USP34: variants seen among roughly 807,000 people sequenced by gnomAD.
USP34 encodes the protein ubiquitin carboxyl-terminal hydrolase 34.
In USP34, 70 loss-of-function variants were observed where a neutral mutation model predicts 460.3. The ratio of observed to expected loss-of-function variants is 0.15; its 90% CI spans 0.13 to 0.19. The LOEUF is 0.19. USP34 is among the 10% of genes least tolerant of loss of function. USP34 has a pLI of 1.00. For synonymous variants in USP34, 1,647 were observed against 1,405.3 expected (o/e 1.17, Z -3.85); for missense variants, 3,985 against 4,236.2 (o/e 0.94, Z 1.65).
chr2:61,390,538 G>A (rs551914475), intron 5 of USP34, among the ~76,000 whole-genome samples: 57 of 152,222 alleles, frequency 3.7e-4, no homozygotes, highest in Middle Eastern at 3.4e-3. Context: ...ATTAAAGAAC[G>A]GATCCATATA....
intron 57 of USP34, among the ~76,000 whole-genome samples, chr2:61,235,027 T>A (rs1328889578): frequency 2.0e-5 from 3 of 152,202 alleles, no homozygotes; most frequent in Admixed American, 6.5e-5. Context: ...CAAAACTGAT[T>A]TAAAAAAAGA....
chr2:61,305,386 T>C (rs568042771), intron 27 of USP34, among the ~76,000 whole-genome samples: 4 of 151,872 alleles, frequency 2.6e-5, no homozygotes, highest in African/African-American at 9.7e-5. Context: ...CAACAAAGTA[T>C]GCAAGATGAC....
At chr2:61,263,610 T>C (rs1392233280) in intron 43 of USP34, among the ~76,000 whole-genome samples, 1 of 152,054 alleles carries the variant, frequency 6.6e-6, no homozygotes, top group Non-Finnish European at 1.5e-5. Context: ...GCCTCCCAAA[T>C]AGCTGGGATT....
intron 10 of USP34, among the ~76,000 whole-genome samples, chr2:61,362,578 C>A (rs953534590): frequency 1.2e-4 from 19 of 152,148 alleles, no homozygotes; most frequent in African/African-American, 4.6e-4. Context: ...ATAAATGCTG[C>A]ATAGTCTCAC....
At position 61,348,949 on chromosome 2, in the gene USP34, A is replaced by G. The variant is rs1572957307; in HGVS notation, c.1544-63T>C. 5.3e-6 allele frequency: 8 copies of G among 1,509,846 alleles called. No homozygotes were observed. The East Asian group carries it at 1.9e-4, about 36-fold the overall frequency. 93.5% of individuals were successfully genotyped at this position (1,509,846 alleles called of 1,614,324 possible). A position where few individuals can be genotyped will look rare whatever the true frequency, so the allele number is the denominator to read the frequency against. On this transcript the variant is annotated intron_variant, in intron 13 of 79. Transcript: ENST00000398571. ...ATATTAACATTGACTTAACAGAATG[A>G]CATTATCATTTGATTCCTTGACCTA...
chr2:61,193,440 G>C (rs900033664), intron 75 of USP34: 1 of 145,744 alleles, frequency 6.9e-6, no homozygotes, highest in African/African-American at 2.6e-5. Context: ...TTCAAAGATA[G>C]AATGACCTTT....
intron 43 of USP34, 151 bp from the exon 44 acceptor site, chr2:61,259,927 T>C: frequency 1.7e-6 from 1 of 605,978 alleles, no homozygotes; most frequent in Non-Finnish European, 2.8e-6. Context: ...AATTCTTTAG[T>C]AATTATAGCA....
chr2:61,405,278 A>G (rs536926255), intron 3 of USP34, among the ~76,000 whole-genome samples: 8 of 149,168 alleles, frequency 5.4e-5, no homozygotes, highest in African/African-American at 2.0e-4. Context: ...AAGAAAGAAA[A>G]GGAAATACTA....
At chr2:61,196,370 G>GT (rs533482141) in intron 75 of USP34, among the ~76,000 whole-genome samples, 2 of 151,048 alleles carry the variant, frequency 1.3e-5, no homozygotes, top group South Asian at 4.2e-4. Context: ...GATTACAGGC[G>GT]TGAGCCACCG....
rs185354959 is a variant in USP34, at chr2:61,408,603, G to A, written c.132-2475C>T. ...ATGTTTAGGAAAAATCAGGTTTAAAGTAAGAGGTCAGGCTGGGTGTGGTGG... is the reference window on the plus strand; with the variant it reads ...ATGTTTAGGAAAAATCAGGTTTAAAATAAGAGGTCAGGCTGGGTGTGGTGG... On this transcript the variant is annotated intron_variant, in intron 2 of 79. Coordinates refer to ENST00000398571, the MANE Select transcript of USP34 (RefSeq NM_014709.4). Among the ~76,000 whole-genome samples, 7 of 151,890 alleles carry A rather than the reference G, an allele frequency of 4.6e-5. No individual in the cohort carries two copies. In the East Asian group the frequency reaches 1.4e-3, roughly 29 times the overall value.
rs750946292 is a variant in USP34, at chr2:61,228,955, G to A, written c.7240C>T (p.Arg2414Cys). 4 of 1,606,628 alleles carry A rather than the reference G, an allele frequency of 2.5e-6. No homozygotes were observed. The highest frequency in any genetic ancestry group is 2.2e-5 in the East Asian group (1 of 44,790). Residue 2414 changes from arginine to cysteine, a missense_variant, in exon 60 of 80, where the codon CGT (arginine) becomes TGT (cysteine). Around this residue, in one of 14 missense-constraint regions of USP34, gnomAD observed 604 missense variants for 684.8 expected, o/e 0.88. Coordinates refer to ENST00000398571, the MANE Select transcript of USP34 (RefSeq NM_014709.4). ...CTCACAAAGCGAGTGACACATGAAC[G>A]ACCACCAATATCTTCTACTGAGGTA... is the stretch of plus-strand genomic sequence containing the variant. ...MDTSVEDIGG[R>C]SCVTRFVRTL... is the part of the protein sequence containing the mutation.
At chr2:61,246,015 G>C (rs1688408216) in intron 50 of USP34, among the ~76,000 whole-genome samples, 1 of 152,198 alleles carries the variant, frequency 6.6e-6, no homozygotes, top group African/African-American at 2.4e-5. Context: ...CTACACTGTA[G>C]AAGATATTCA....
chr2:61,339,794 T>C, intron 16 of USP34, 113 bp from the exon 17 acceptor site: 1 of 520,872 alleles, frequency 1.9e-6, no homozygotes, highest in Non-Finnish European at 3.1e-6. Context: ...TCTCAGATCA[T>C]AAAATAAAAA....
chr2:61,396,742 C>A (rs1033656093), intron 3 of USP34, among the ~76,000 whole-genome samples: 2 of 152,134 alleles, frequency 1.3e-5, no homozygotes, highest in African/African-American at 4.8e-5. Flanking sequence ...CCCGCCTCGG[C>A]CTCCCAAAGT....
intron 74 of USP34, among the ~76,000 whole-genome samples, 173 bp downstream of exon 74, chr2:61,204,083 A>G (rs1258897135): frequency 6.6e-6 from 1 of 152,228 alleles, no homozygotes; most frequent in Non-Finnish European, 1.5e-5. Flanking sequence ...TGATTTTTGC[A>G]AATGTTCAAC....
chr2:61,285,289 C>G (rs140893865), intron 34 of USP34, among the ~76,000 whole-genome samples: 91 of 151,882 alleles, frequency 6.0e-4, no homozygotes, highest in African/African-American at 2.1e-3. Context: ...AGAAATCCGA[C>G]ACTAGCTGGC....
At chr2:61,407,420 T>C (rs962252807) in intron 2 of USP34, among the ~76,000 whole-genome samples, 2 of 152,202 alleles carry the variant, frequency 1.3e-5, no homozygotes, top group African/African-American at 4.8e-5. Context: ...CGCAAGTACC[T>C]GGTTCTAATA....
intron 3 of USP34, among the ~76,000 whole-genome samples, chr2:61,401,540 A>ATTTTT (rs1156550372): frequency 1.6e-5 from 1 of 62,416 alleles, no homozygotes; most frequent in Non-Finnish European, 2.8e-5. Context: ...ACCTGGCCCT[A>ATTTTT]TTTTTTTTTT....
intron 69 of USP34, among the ~76,000 whole-genome samples, chr2:61,209,791 G>A (rs529227893): frequency 2.0e-5 from 3 of 152,226 alleles, no homozygotes; most frequent in Non-Finnish European, 4.4e-5. Flanking sequence ...TGTCAGAGGA[G>A]ATGACAGCTC....
Sources: allele counts gnomAD v4.1 joint callset (sites outside exome capture counted in the v4.1 genomes callset), GRCh38; gene constraint gnomAD v4.1.1; regional missense constraint gnomAD v4.1.1; transcripts MANE v1.5; gene names NCBI Gene and HGNC (gene_info 2026-07-23, HGNC 2026-07-21).